EPC1: variants seen among roughly 807,000 people sequenced by gnomAD.
The protein encoded by EPC1 is enhancer of polycomb homolog 1.
Under a neutral mutation model 98.4 loss-of-function variants are expected in EPC1, and 12 were observed. The ratio of observed to expected loss-of-function variants is 0.12; its 90% confidence interval spans 0.08 to 0.20. EPC1 has a LOEUF of 0.20. Ranked by LOEUF, EPC1 falls within the 10% of genes least tolerant of loss-of-function variation. EPC1 has a pLI of 1.00. For missense variants in EPC1, 729 were observed against 990.5 expected, an observed-to-expected ratio of 0.74 and a Z score of 3.54; for synonymous variants, 357 against 363.9, an observed-to-expected ratio of 0.98 and a Z score of 0.21.
At chr10:32,303,775 C>G (rs956670412) in intron 2 of EPC1, among the ~76,000 whole-genome samples, 6 of 152,224 alleles carry the variant, frequency 3.9e-5, no homozygotes, top group African/African-American at 1.4e-4. Flanking sequence ...CAAACACACA[C>G]ACACATATGT....
intron 1 of EPC1, among the ~76,000 whole-genome samples, chr10:32,336,290 G>C (rs1190765344): frequency 1.0e-5 from 1 of 96,640 alleles, no homozygotes; most frequent in African/African-American, 3.2e-5. Context: ...GGCTGGTCTC[G>C]AACTCCTGAG....
In EPC1 at chr10:32,307,148, T is replaced by C. The variant is rs535402854; in HGVS notation, c.154-1217A>G. Among the ~76,000 whole-genome samples the C allele has an allele frequency of 8.7e-4, 132 of 152,306 alleles. 1 individual carries two copies. Among genetic ancestry groups the C allele is most frequent in the African/African-American group, 3.0e-3 (123 of 41,562 alleles). ...AATACTTCTACTACATTCCTTACAA[T>C]AGCTGCATTATATTCCACTATATGG... is the stretch of plus-strand genomic sequence containing the variant. On this transcript the variant is annotated intron_variant, in intron 1 of 13. Coordinates refer to ENST00000319778, the MANE Select transcript of EPC1 (RefSeq NM_001272004.3).
At chr10:32,339,921 T>A (rs1838232648) in intron 1 of EPC1, among the ~76,000 whole-genome samples, 1 of 152,116 alleles carries the variant, frequency 6.6e-6, no homozygotes, top group Non-Finnish European at 1.5e-5. Context: ...CAATTGCTAT[T>A]TGGATGCTCA....
chr10:32,341,730 G>T (rs974670556), intron 1 of EPC1, among the ~76,000 whole-genome samples: 1 of 152,176 alleles, frequency 6.6e-6, no homozygotes, highest in South Asian at 2.1e-4. Flanking sequence ...AGAATCCTTA[G>T]TCTCTTCCTG....
rs370281161 is a variant in EPC1, at chr10:32,272,746, T to TA, written c.1863+416dup. ...GACTCAAACCTCAGCCTTTATGCCC[T>TA]ACATGTGTTTAACTGGCAAACGTTT... On this transcript the variant is annotated intron_variant, in intron 11 of 13. Transcript: ENST00000319778. 6.0e-3 allele frequency among the ~76,000 whole-genome samples: 915 copies of TA among 152,374 alleles called. 9 individuals are homozygous for TA. Among genetic ancestry groups the TA allele is most frequent in the African/African-American group, 0.019 (803 of 41,582 alleles).
chr10:32,287,714 A>G (rs1301177415), intron 6 of EPC1, among the ~76,000 whole-genome samples: 1 of 152,192 alleles, frequency 6.6e-6, no homozygotes, highest in Non-Finnish European at 1.5e-5. Context: ...TATACACAGA[A>G]AGCAAACTAC....
chr10:32,347,110 T>G lies in EPC1; in HGVS notation c.-195A>C. On this transcript the variant is annotated 5_prime_UTR_variant, in exon 1 of 14. Coordinates refer to ENST00000319778, the MANE Select transcript of EPC1 (RefSeq NM_001272004.3). ...GCCGCTCCGCTCCTCTCTCGCTCGCTCTCTTCAATACGCCATGGCCAACAT... is the reference window on the plus strand; with the variant it reads ...GCCGCTCCGCTCCTCTCTCGCTCGCGCTCTTCAATACGCCATGGCCAACAT... The G allele has an allele frequency of 6.9e-7, 1 of 1,439,908 alleles. No homozygotes were observed. Among genetic ancestry groups the G allele is most frequent in the Non-Finnish European group, 9.1e-7 (1 of 1,102,878 alleles). The allele number at this position is 1,439,908 out of a possible 1,614,324, so 89.2% of individuals were successfully genotyped here.
At chr10:32,288,774 G>A (rs550789804) in intron 6 of EPC1, among the ~76,000 whole-genome samples, 1 of 152,094 alleles carries the variant, frequency 6.6e-6, no homozygotes, top group Non-Finnish European at 1.5e-5. Flanking sequence ...AGGGCTCAGA[G>A]GGGGGGACCA....
chr10:32,288,745 G>A (rs941086407), intron 6 of EPC1, among the ~76,000 whole-genome samples: 3 of 151,814 alleles, frequency 2.0e-5, no homozygotes, highest in Non-Finnish European at 2.9e-5. Context: ...TAACACTAAA[G>A]TAGTCCACAA....
chr10:32,286,876 T>C (rs778342301), intron 8 of EPC1, 34 bp from the exon 9 acceptor site: 2 of 1,611,394 alleles, frequency 1.2e-6, no homozygotes, highest in East Asian at 2.2e-5. Context: ...TTTAATTTTG[T>C]CAGTTAAAGG....
intron 1 of EPC1, among the ~76,000 whole-genome samples, chr10:32,323,479 A>G (rs1837062190): frequency 6.6e-6 from 1 of 152,194 alleles, no homozygotes; most frequent in African/African-American, 2.4e-5. Context: ...TCTATATTGT[A>G]TAACATGGTG....
intron 1 of EPC1, among the ~76,000 whole-genome samples, chr10:32,342,493 G>T (rs1317804254): frequency 1.3e-5 from 2 of 152,124 alleles, no homozygotes; most frequent in Non-Finnish European, 2.9e-5. Flanking sequence ...CTTGGGCTTA[G>T]TAACAATGTA....
Position 32,293,674 on chromosome 10 carries a change from T to C in EPC1, c.377A>G (p.Asn126Ser). The C allele has an allele frequency of 1.2e-6, 2 of 1,613,768 alleles. No individual in the cohort carries two copies. The highest frequency in any genetic ancestry group is 1.7e-6 in the Non-Finnish European group (2 of 1,179,844). ...GATGTCCATTTTCTTTTTCAGTTTA[T>C]TCACAAATACTTCATCTTCAGAATC... ...DLDSEDEVFV[N>S]KLKKKMDICP... The change falls in exon 3 of 14, where the codon AAT (asparagine) becomes AGT (serine). Residue 126 changes from asparagine to serine, a missense_variant. Asn to Ser is a conservative substitution (Grantham distance 46). This residue lies in a region of EPC1 where 94 missense variants were observed against 125.1 expected (regional missense o/e 0.75). Coordinates refer to ENST00000319778, the MANE Select transcript of EPC1 (RefSeq NM_001272004.3).
chr10:32,342,843 T>C (rs1838454982), intron 1 of EPC1, among the ~76,000 whole-genome samples: 1 of 152,222 alleles, frequency 6.6e-6, no homozygotes, highest in South Asian at 2.1e-4. Flanking sequence ...TTAAAAGTGA[T>C]GTTTCCATAA....
chr10:32,273,660 A>C (rs1168904451), intron 10 of EPC1, among the ~76,000 whole-genome samples: 1 of 152,156 alleles, frequency 6.6e-6, no homozygotes, highest in Non-Finnish European at 1.5e-5. Flanking sequence ...GCTTGAGAGA[A>C]TATCTGATAA....
intron 1 of EPC1, among the ~76,000 whole-genome samples, chr10:32,367,315 G>C (rs555522454): frequency 1.5e-4 from 23 of 152,286 alleles, no homozygotes; most frequent in African/African-American, 5.5e-4. Context: ...TTAATGTAAA[G>C]ACTGGCATGA....
At chr10:32,326,206 G>A (rs1021716556) in intron 1 of EPC1, among the ~76,000 whole-genome samples, 1 of 152,166 alleles carries the variant, frequency 6.6e-6, no homozygotes, top group African/African-American at 2.4e-5. Context: ...AGTCTTTAGA[G>A]TTGTTCATCA....
chr10:32,348,147 T>C (rs1838977521), upstream of EPC1, among the ~76,000 whole-genome samples: 1 of 152,218 alleles, frequency 6.6e-6, no homozygotes, highest in South Asian at 2.1e-4. Context: ...TTGAATCATA[T>C]AAAGACCTGT....
At chr10:32,371,752 C>A (rs372637310) in intron 1 of EPC1, among the ~76,000 whole-genome samples, 12 of 151,854 alleles carry the variant, frequency 7.9e-5, no homozygotes, top group African/African-American at 2.7e-4. Context: ...TACACACACA[C>A]AAAAATTAGC....
Sources: allele counts gnomAD v4.1 joint callset (sites outside exome capture counted in the v4.1 genomes callset), GRCh38; gene constraint gnomAD v4.1.1; regional missense constraint gnomAD v4.1.1; transcripts MANE v1.5; gene names NCBI Gene and HGNC (gene_info 2026-07-23, HGNC 2026-07-21).